PCDHGA2: variants seen among roughly 807,000 people sequenced by gnomAD.
PCDHGA2 encodes the protein protocadherin gamma subfamily A, 2.
Under a neutral mutation model 59.2 loss-of-function variants are expected in PCDHGA2, and 40 were observed. That is an observed-to-expected ratio of 0.68 (90% CI 0.52 to 0.88). The LOEUF is 0.88. Ranked by LOEUF, PCDHGA2 falls within the 40% of genes least tolerant of loss-of-function variation. PCDHGA2 has a pLI of 0.00. For missense variants in PCDHGA2, 1,226 were observed against 1,204.0 expected, an observed-to-expected ratio of 1.02 and a Z score of -0.27; for synonymous variants, 560 against 526.0, an observed-to-expected ratio of 1.06 and a Z score of -0.89.
intron 1 of PCDHGA2, chr5:141,413,769 G>T: frequency 6.2e-7 from 1 of 1,612,870 alleles, no homozygotes; most frequent in Non-Finnish European, 8.5e-7. Flanking sequence ...ACCCGGAGCT[G>T]GTACTGGAGC....
chr5:141,403,960 G>C (rs775638627), intron 1 of PCDHGA2: 2 of 1,613,658 alleles, frequency 1.2e-6, no homozygotes, highest in African/African-American at 1.3e-5. Flanking sequence ...TGCTCATTTC[G>C]GTGGAAGATG....
intron 1 of PCDHGA2, chr5:141,388,977 G>A (rs1299469066): frequency 6.2e-7 from 1 of 1,613,990 alleles, no homozygotes; most frequent in African/African-American, 1.3e-5. Context: ...AACACATATT[G>A]CTTTGCTCAA....
At chr5:141,394,739 C>T (rs377359689) in intron 1 of PCDHGA2, 4 of 1,613,390 alleles carry the variant, frequency 2.5e-6, no homozygotes, top group Non-Finnish European at 3.4e-6. Flanking sequence ...AGCAGAGCCT[C>T]GTGGTGGCCG....
At chr5:141,380,907 C>T (rs1406481355) in intron 1 of PCDHGA2, among the ~76,000 whole-genome samples, 3 of 152,296 alleles carry the variant, frequency 2.0e-5, no homozygotes, top group Admixed American at 6.5e-5. Flanking sequence ...TCTACAAGTG[C>T]TTACATTGTT....
intron 1 of PCDHGA2, chr5:141,361,475 A>G (rs1561523767): frequency 6.2e-7 from 1 of 1,614,020 alleles, no homozygotes; most frequent in Non-Finnish European, 8.5e-7. Context: ...GACGTCAACG[A>G]TAATGCCCCA....
chr5:141,461,921 T>G (rs2099026403), intron 1 of PCDHGA2, among the ~76,000 whole-genome samples: 1 of 152,222 alleles, frequency 6.6e-6, no homozygotes, highest in Non-Finnish European at 1.5e-5. Flanking sequence ...CCTCCTGGGT[T>G]CCAGCAATTC....
Position 141,395,191 on chromosome 5 carries a change from C to T in PCDHGA2, c.2424+53796C>T, listed in dbSNP as rs781685191. ...TGTGAGAAAAATGATTCTTTGTTAA[C>T]ATCCGTAGATTTTCATGAATATAAG... is the stretch of plus-strand genomic sequence containing the variant. On this transcript the variant is annotated intron_variant, in intron 1 of 3. Transcript: ENST00000394576. 8 of 1,614,074 alleles carry T rather than the reference C, an allele frequency of 5.0e-6. 1 individual carries two copies. The South Asian group carries it at 7.7e-5, about 16-fold the overall frequency.
intron 1 of PCDHGA2, 34 bp downstream of exon 1, chr5:141,341,429 A>G: frequency 1.2e-6 from 2 of 1,611,512 alleles, no homozygotes; most frequent in Non-Finnish European, 1.7e-6. Flanking sequence ...CGTACTAGCT[A>G]GTTTGCTGAA....
chr5:141,478,589 T>C, intron 1 of PCDHGA2: 2 of 1,573,336 alleles, frequency 1.3e-6, no homozygotes, highest in Non-Finnish European at 1.7e-6. Context: ...AGTGCTTTTT[T>C]ATTCCTACAT....
intron 1 of PCDHGA2, among the ~76,000 whole-genome samples, chr5:141,474,085 AAAAC>A (rs937548165): frequency 1.3e-5 from 2 of 152,188 alleles, no homozygotes; most frequent in African/African-American, 4.8e-5. Flanking sequence ...CAAAAACCAA[AAAAC>A]AAACAACAAC....
chr5:141,474,105 C>A (rs1292743515), intron 1 of PCDHGA2, among the ~76,000 whole-genome samples: 1 of 152,036 alleles, frequency 6.6e-6, no homozygotes, highest in African/African-American at 2.4e-5. Flanking sequence ...ACAACAAAAA[C>A]AACAACAACG....
intron 1 of PCDHGA2, chr5:141,415,094 A>T: frequency 1.9e-6 from 3 of 1,613,530 alleles, no homozygotes; most frequent in Non-Finnish European, 2.5e-6. Flanking sequence ...CTGGACAGAG[A>T]CGCGCTCAAG....
At chr5:141,436,256 C>T (rs953463822) in intron 1 of PCDHGA2, among the ~76,000 whole-genome samples, 1 of 152,100 alleles carries the variant, frequency 6.6e-6, no homozygotes, top group South Asian at 2.1e-4. Context: ...TTATTCTGAC[C>T]TCTGCTCACC....
rs370518334 is a variant in PCDHGA2 at position 141,344,809 on chromosome 5, C to G, written c.2424+3414C>G. The G allele has an allele frequency of 4.3e-6, 7 of 1,613,834 alleles. No individual in the cohort carries two copies. In the African/African-American group the frequency reaches 5.3e-5, roughly 12 times the overall value. On this transcript the variant is annotated intron_variant, in intron 1 of 3. Coordinates refer to ENST00000394576, the MANE Select transcript of PCDHGA2 (RefSeq NM_018915.4). The stretch of plus-strand genomic sequence containing the variant: ...GTTTGGGAGAACGTGCCTGTGGGTA[C>G]CCGGCTGCTCACGGTGAATGCCACT...
intron 1 of PCDHGA2, chr5:141,393,869 G>A: frequency 1.2e-6 from 2 of 1,613,982 alleles, no homozygotes; most frequent in Non-Finnish European, 1.7e-6. Context: ...TTACGTCTTT[G>A]TTTAGCCCAG....
chr5:141,475,105 G>C (rs1215386045), intron 1 of PCDHGA2, among the ~76,000 whole-genome samples: 1 of 152,156 alleles, frequency 6.6e-6, no homozygotes, highest in Non-Finnish European at 1.5e-5. Context: ...GATCCTAGGT[G>C]GTAAATAGGC....
intron 1 of PCDHGA2, chr5:141,366,088 C>T (rs752144187): frequency 3.1e-6 from 5 of 1,614,256 alleles, no homozygotes; most frequent in Non-Finnish European, 4.2e-6. Context: ...AACCTGGCTA[C>T]CTGGTGACCA....
At position 141,340,670 on chromosome 5, in the gene PCDHGA2, T is replaced by C. The variant is rs148764074; in HGVS notation, c.1699T>C (p.Phe567Leu). 116 of 1,614,176 alleles carry C rather than the reference T, an allele frequency of 7.2e-5. No homozygotes were observed. In the African/African-American group the frequency reaches 9.6e-4, roughly 13 times the overall value. ...DNAPEILYPAFPTDGSTGVEL... is the reference protein window; with the variant it reads ...DNAPEILYPALPTDGSTGVEL... Reference sequence around the variant, plus strand: ...CGCGCCCGAGATCCTGTACCCTGCCTTCCCCACAGACGGTTCCACTGGCGT... The same window carrying C: ...CGCGCCCGAGATCCTGTACCCTGCCCTCCCCACAGACGGTTCCACTGGCGT... Residue 567 changes from phenylalanine to leucine, a missense_variant, in exon 1 of 4, where the codon TTC becomes CTC. Transcript: ENST00000394576.
In PCDHGA2 at chr5:141,432,142, C is replaced by T; in HGVS notation, c.2425-62665C>T. 1 of 1,614,098 alleles carries T rather than the reference C, an allele frequency of 6.2e-7. No individual in the cohort carries two copies. Among genetic ancestry groups the T allele is most frequent in the Non-Finnish European group, 8.5e-7 (1 of 1,180,016 alleles). On this transcript the variant is annotated intron_variant, in intron 1 of 3. Transcript: ENST00000394576. This position sits in a 1 kb window ranked among gnomAD's most constrained non-coding sequence, Gnocchi z 6.0. Reference sequence around the variant, plus strand: ...CTCAGGCCTCCTATTCCGCTTATATCCCAGAGAACAATCCCAGAGGAGTTT... The same window carrying T: ...CTCAGGCCTCCTATTCCGCTTATATTCCAGAGAACAATCCCAGAGGAGTTT...
Sources: gnomAD v4.1 joint callset for allele counts (sites outside exome capture counted in the v4.1 genomes callset) on GRCh38, gnomAD v4.1.1 for gene constraint, Gnocchi (gnomAD v3.1) non-coding constraint, MANE v1.5 for transcripts, NCBI Gene and HGNC (gene_info 2026-07-23, HGNC 2026-07-21) for gene names.